SETMAR: variants seen among roughly 807,000 people sequenced by gnomAD.
SETMAR encodes the protein SET and mariner transposase domain methyltransferase, also known as histone-lysine N-methyltransferase SETMAR.
A neutral mutation model predicts 58.4 loss-of-function variants in SETMAR; 44 were observed. The observed-to-expected ratio is 0.75, with a 90% CI of 0.59 to 0.97. SETMAR has a LOEUF of 0.97. SETMAR is among the 50% of genes least tolerant of loss of function. The pLI is 0.00. For synonymous variants in SETMAR, 332 were observed against 307.4 expected (o/e 1.08, Z -0.84); for missense variants, 903 against 840.2 (o/e 1.07, Z -0.92).
intron 1 of SETMAR, 140 bp from the exon 2 acceptor site, chr3:4,312,753 AATATC>A: frequency 1.1e-6 from 1 of 881,354 alleles, no homozygotes; most frequent in Admixed American, 3.0e-5. Context: ...GTTTTTGGAC[AATATC>A]TTAGTATGCT....
chr3:4,310,401 AATG>A (rs558147291), intron 1 of SETMAR, among the ~76,000 whole-genome samples: 2 of 152,222 alleles, frequency 1.3e-5, no homozygotes, highest in Non-Finnish European at 2.9e-5. Flanking sequence ...TATCATCTGA[AATG>A]ATATTTTATT....
intron 2 of SETMAR, 145 bp downstream of exon 2, chr3:4,313,906 C>A: frequency 7.2e-7 from 1 of 1,392,854 alleles, no homozygotes; most frequent in South Asian, 1.4e-5. Context: ...TTTCCCCTTT[C>A]TGTAATAGAA....
chr3:4,309,073 A>C (rs1195599509), intron 1 of SETMAR, among the ~76,000 whole-genome samples: 2 of 152,246 alleles, frequency 1.3e-5, no homozygotes, highest in African/African-American at 4.8e-5. Flanking sequence ...GTTTCTGATT[A>C]ACAGTTTGCT....
intron 1 of SETMAR, among the ~76,000 whole-genome samples, chr3:4,311,705 T>A (rs960272614): frequency 3.9e-5 from 6 of 152,224 alleles, no homozygotes; most frequent in Non-Finnish European, 8.8e-5. Flanking sequence ...ATACTGTGTG[T>A]CTAAGCTCAC....
chr3:4,308,355 G>C (rs771310042), intron 1 of SETMAR, among the ~76,000 whole-genome samples: 2 of 152,098 alleles, frequency 1.3e-5, no homozygotes, highest in Non-Finnish European at 2.9e-5. Flanking sequence ...AGCTTTTTAA[G>C]CCAGTTCTGT....
chr3:4,303,931 T>G, intron 1 of SETMAR: 1 of 1,159,648 alleles, frequency 8.6e-7, no homozygotes, highest in Non-Finnish European at 1.1e-6. Context: ...AAACAGCCCC[T>G]CGAGTCAGCC....
intron 2 of SETMAR, 96 bp from the exon 3 acceptor site, chr3:4,316,116 A>T: frequency 1.8e-6 from 1 of 557,698 alleles, no homozygotes; most frequent in Non-Finnish European, 3.2e-6. Context: ...ATTGGAATAC[A>T]TTCTTAAATG....
Position 4,313,735 on chromosome 3 carries a change from C to A in SETMAR, c.994C>A (p.Pro332Thr), listed in dbSNP as rs771995560. The A allele has an allele frequency of 1.1e-5, 17 of 1,613,888 alleles. No individual in the cohort carries two copies. Among genetic ancestry groups the A allele is most frequent in the Non-Finnish European group, 1.4e-5 (16 of 1,179,970 alleles). Reference sequence around the variant, plus strand: ...GTGTGGCTCAGCCCCTTCTGTGTTCCCCTCCTGCAAGCGATTGACCCTTGA... The same window carrying A: ...GTGTGGCTCAGCCCCTTCTGTGTTCACCTCCTGCAAGCGATTGACCCTTGA... ...SMCGSAPSVF[P>T]SCKRLTLETM... Residue 332 changes from proline to threonine, a missense_variant, in exon 2 of 3, where the codon CCC becomes ACC. Coordinates refer to ENST00000358065, the MANE Select transcript of SETMAR (RefSeq NM_006515.4).
intron 1 of SETMAR, among the ~76,000 whole-genome samples, chr3:4,309,108 A>T (rs1439911469): frequency 5.3e-5 from 8 of 152,178 alleles, no homozygotes; most frequent in African/African-American, 1.4e-4. Context: ...TTGTCTAAAA[A>T]CTTAGGAATG....
At chr3:4,312,018 A>G (rs1265630922) in intron 1 of SETMAR, among the ~76,000 whole-genome samples, 1 of 152,232 alleles carries the variant, frequency 6.6e-6, no homozygotes, top group African/African-American at 2.4e-5. Context: ...TACAAATGTA[A>G]TGTTTTGAAA....
chr3:4,314,829 G>C (rs1404193728), intron 2 of SETMAR, among the ~76,000 whole-genome samples: 2 of 152,120 alleles, frequency 1.3e-5, no homozygotes, highest in African/African-American at 2.4e-5. Flanking sequence ...AATTACTAGA[G>C]CCCCTATGAT....
intron 1 of SETMAR, among the ~76,000 whole-genome samples, chr3:4,309,826 A>G (rs1698333794): frequency 1.3e-5 from 2 of 152,226 alleles, no homozygotes; most frequent in Non-Finnish European, 2.9e-5. Context: ...CCCACTTTAC[A>G]TTAGCTTTCA....
At chr3:4,303,771 T>C in intron 1 of SETMAR, 1 of 1,452,404 alleles carries the variant, frequency 6.9e-7, no homozygotes, top group Non-Finnish European at 9.2e-7. Flanking sequence ...CCGGAGGCCT[T>C]GTGAGAACCT....
At chr3:4,314,831 C>T (rs1286249701) in intron 2 of SETMAR, among the ~76,000 whole-genome samples, 1 of 152,100 alleles carries the variant, frequency 6.6e-6, no homozygotes, top group Non-Finnish European at 1.5e-5. Context: ...TTACTAGAGC[C>T]CCTATGATAT....
intron 2 of SETMAR, chr3:4,314,314 A>G (rs1436239831): frequency 1.3e-5 from 2 of 153,378 alleles, no homozygotes; most frequent in Non-Finnish European, 2.9e-5. Context: ...CCTAATAATG[A>G]TCCAAGAAAC....
At chr3:4,312,428 A>G (rs770137292) in intron 1 of SETMAR, among the ~76,000 whole-genome samples, 10 of 152,124 alleles carry the variant, frequency 6.6e-5, no homozygotes, top group Non-Finnish European at 1.0e-4. Context: ...TTGTCCTTAT[A>G]CATACATAAT....
chr3:4,308,736 G>GTGC (rs564401169), intron 1 of SETMAR, among the ~76,000 whole-genome samples: 161 of 152,348 alleles, frequency 1.1e-3, no homozygotes, highest in South Asian at 2.3e-3. Context: ...CATAGTCACA[G>GTGC]AGTTTTCCTG....
At chr3:4,315,916 A>T (rs1698618953) in intron 2 of SETMAR, among the ~76,000 whole-genome samples, 1 of 152,000 alleles carries the variant, frequency 6.6e-6, no homozygotes, top group South Asian at 2.1e-4. Flanking sequence ...ATGTGGTGGC[A>T]CATGTCTGTA....
chr3:4,308,803 T>A (rs539238810), intron 1 of SETMAR, among the ~76,000 whole-genome samples: 2 of 152,242 alleles, frequency 1.3e-5, no homozygotes, highest in African/African-American at 4.8e-5. Context: ...TCTTTGTTCA[T>A]TGACCATTTA....
Sources: allele counts gnomAD v4.1 joint callset (sites outside exome capture counted in the v4.1 genomes callset), GRCh38; gene constraint gnomAD v4.1.1; transcripts MANE v1.5; gene names NCBI Gene and HGNC (gene_info 2026-07-23, HGNC 2026-07-21).